The following SPAG16 variants were observed in gnomAD, a reference collection of about 807,000 sequenced individuals.
SPAG16 encodes sperm-associated antigen 16 protein.
SPAG16 carries 86 observed loss-of-function variants against 80.4 expected under a neutral mutation model. The observed-to-expected ratio is 1.07, with a 90% confidence interval of 0.90 to 1.28. SPAG16 has a LOEUF of 1.28. Among genes scored for constraint, SPAG16 ranks in the 50% most tolerant of loss-of-function variants. The pLI is 0.00. For synonymous variants in SPAG16, 294 were observed against 265.9 expected (o/e 1.11, Z -1.03); for missense variants, 870 against 765.3 (o/e 1.14, Z -1.61).
rs547718104 is a variant in SPAG16, at chr2:213,576,355, G to A, written c.1070+86265G>A. On this transcript the variant is annotated intron_variant, in intron 10 of 15. Coordinates refer to ENST00000331683, the MANE Select transcript of SPAG16 (RefSeq NM_024532.5). ...GTAGTGTAGTTTGAAGTCAGGTAGC[G>A]TGATGCCTCCAGCTTTGTTCTTTTT... Among the ~76,000 whole-genome samples, 376 of 152,128 alleles carry A rather than the reference G, an allele frequency of 2.5e-3. 2 individuals carry two copies. The highest frequency in any genetic ancestry group is 8.5e-3 in the African/African-American group (352 of 41,536).
intron 5 of SPAG16, among the ~76,000 whole-genome samples, chr2:213,333,198 A>G (rs569588819): frequency 5.3e-5 from 8 of 152,288 alleles, no homozygotes; most frequent in African/African-American, 1.9e-4. Context: ...AATCAGTAGC[A>G]TTTCTGTATA....
intron 13 of SPAG16, among the ~76,000 whole-genome samples, chr2:214,038,991 C>T (rs1026050107): frequency 3.9e-5 from 6 of 152,004 alleles, no homozygotes; most frequent in African/African-American, 9.7e-5. Flanking sequence ...TGAATAGTGC[C>T]GCAATAAACA....
At chr2:214,390,372 C>G (rs1701006637) in intron 15 of SPAG16, among the ~76,000 whole-genome samples, 1 of 146,444 alleles carries the variant, frequency 6.8e-6, no homozygotes, top group Non-Finnish European at 1.5e-5. Context: ...CCTTTTCACT[C>G]ATGGGCTTTA....
At chr2:213,437,522 C>T (rs981755964) in intron 9 of SPAG16, among the ~76,000 whole-genome samples, 1 of 152,110 alleles carries the variant, frequency 6.6e-6, no homozygotes, top group African/African-American at 2.4e-5. Flanking sequence ...ATTTTGTAAG[C>T]TTTTTGTTCT....
intron 13 of SPAG16, among the ~76,000 whole-genome samples, chr2:214,097,377 G>A (rs1238973610): frequency 6.6e-6 from 1 of 152,018 alleles, no homozygotes; most frequent in Non-Finnish European, 1.5e-5. Context: ...CAGGAATGCT[G>A]TCTCTGTGTT....
intron 9 of SPAG16, among the ~76,000 whole-genome samples, chr2:213,407,213 C>T (rs527415640): frequency 1.3e-5 from 2 of 152,222 alleles, no homozygotes; most frequent in South Asian, 2.1e-4. Context: ...CTTGGCGGAG[C>T]GGCCAGAGAG....
chr2:213,851,373 C>T (rs1018563990), intron 10 of SPAG16, among the ~76,000 whole-genome samples: 5 of 152,144 alleles, frequency 3.3e-5, no homozygotes, highest in Middle Eastern at 3.4e-3. Flanking sequence ...GGCGTGGTGG[C>T]GGTGGGTGCC....
intron 12 of SPAG16, among the ~76,000 whole-genome samples, chr2:214,006,730 G>T (rs2047041375): frequency 6.6e-6 from 1 of 152,070 alleles, no homozygotes; most frequent in African/African-American, 2.4e-5. Context: ...ATTCTGAATG[G>T]GCCTTCCTTC....
At chr2:213,464,676 G>A (rs922577207) in intron 9 of SPAG16, among the ~76,000 whole-genome samples, 5 of 152,158 alleles carry the variant, frequency 3.3e-5, no homozygotes, top group Non-Finnish European at 4.4e-5. Flanking sequence ...GGGCTCCAGC[G>A]GGGAGACACC....
intron 15 of SPAG16, among the ~76,000 whole-genome samples, chr2:214,325,418 T>A (rs950280191): frequency 6.6e-6 from 1 of 152,208 alleles, no homozygotes; most frequent in African/African-American, 2.4e-5. Context: ...GGCATTATTC[T>A]TTTTAGAACT....
chr2:213,324,731 A>G (rs571497595), intron 5 of SPAG16, among the ~76,000 whole-genome samples: 1 of 152,276 alleles, frequency 6.6e-6, no homozygotes, highest in Non-Finnish European at 1.5e-5. Context: ...TGGTGGGAAT[A>G]TGTTTTCATT....
chr2:214,127,158 A>G (rs1026113994), intron 14 of SPAG16, among the ~76,000 whole-genome samples: 3 of 151,710 alleles, frequency 2.0e-5, no homozygotes, highest in Non-Finnish European at 4.4e-5. Flanking sequence ...CTAATTGTCA[A>G]TCCCTGCCCT....
chr2:214,063,951 C>G (rs1576036707), intron 13 of SPAG16, among the ~76,000 whole-genome samples: 1 of 152,050 alleles, frequency 6.6e-6, no homozygotes. Context: ...AATCTCTATT[C>G]CATAGAAGTT....
chr2:213,798,435 T>A (rs1168606384), intron 10 of SPAG16, among the ~76,000 whole-genome samples: 1 of 151,826 alleles, frequency 6.6e-6, no homozygotes, highest in African/African-American at 2.4e-5. Flanking sequence ...TGTTTTTTTT[T>A]ATAGAGATGG....
At chr2:214,130,390 T>C (rs564815759) in intron 14 of SPAG16, among the ~76,000 whole-genome samples, 1 of 152,302 alleles carries the variant, frequency 6.6e-6, no homozygotes, top group South Asian at 2.1e-4. Context: ...GTATTAACTT[T>C]GAGAACCTCA....
intron 15 of SPAG16, among the ~76,000 whole-genome samples, chr2:214,345,184 T>A (rs746804839): frequency 6.6e-6 from 1 of 152,138 alleles, no homozygotes; most frequent in Admixed American, 6.5e-5. Context: ...GCTGGAGTCC[T>A]ACCCAGAGCC....
At chr2:213,731,423 T>C (rs2067034260) in intron 10 of SPAG16, among the ~76,000 whole-genome samples, 1 of 151,812 alleles carries the variant, frequency 6.6e-6, no homozygotes, top group Admixed American at 6.6e-5. Flanking sequence ...GCCTCCCAAA[T>C]TGCTGGGATT....
chr2:213,429,772 C>T (rs951453148), intron 9 of SPAG16, among the ~76,000 whole-genome samples: 9 of 152,076 alleles, frequency 5.9e-5, no homozygotes, highest in Non-Finnish European at 1.3e-4. Context: ...TTGAACACAC[C>T]TAGAAGCAAA....
intron 10 of SPAG16, among the ~76,000 whole-genome samples, chr2:213,773,200 CA>C (rs2125558143): frequency 6.6e-6 from 1 of 152,080 alleles, no homozygotes; most frequent in South Asian, 2.1e-4. Flanking sequence ...GTCTTAGTTT[CA>C]GGCAGTTTCT....
Sources: gnomAD v4.1 joint callset for allele counts (sites outside exome capture counted in the v4.1 genomes callset) on GRCh38, gnomAD v4.1.1 for gene constraint, MANE v1.5 for transcripts, NCBI Gene and HGNC (gene_info 2026-07-23, HGNC 2026-07-21) for gene names.